WBP2NL: variants seen among roughly 807,000 people sequenced by gnomAD.
The protein encoded by WBP2NL is postacrosomal sheath WW domain-binding protein.
In WBP2NL, 27 loss-of-function variants were observed where a neutral mutation model predicts 23.3. That is an observed-to-expected ratio of 1.16 (90% CI 0.85 to 1.60). The LOEUF is 1.60. Among genes scored for constraint, WBP2NL ranks in the 40% most tolerant of loss-of-function variants. WBP2NL has a pLI of 0.00. For synonymous variants in WBP2NL, 151 were observed against 145.9 expected, an observed-to-expected ratio of 1.03 and a Z score of -0.25; for missense variants, 370 against 389.5, an observed-to-expected ratio of 0.95 and a Z score of 0.42.
chr22:41,999,114 C>T (rs1458561028), intron 1 of WBP2NL, among the ~76,000 whole-genome samples: 12 of 149,534 alleles, frequency 8.0e-5, no homozygotes, highest in Admixed American at 6.7e-4. Context: ...GGTGGGAATG[C>T]GCCTTTTCAA....
chr22:42,008,381 A>AT (rs1192665798), intron 1 of WBP2NL, among the ~76,000 whole-genome samples: 1 of 150,198 alleles, frequency 6.7e-6, no homozygotes, highest in East Asian at 2.0e-4. Context: ...AGTTTTTTGT[A>AT]TTTTTAGTAG....
intron 8 of WBP2NL, among the ~76,000 whole-genome samples, chr22:42,045,474 G>A (rs186182716): frequency 3.3e-5 from 5 of 152,108 alleles, no homozygotes; most frequent in African/African-American, 1.2e-4. Flanking sequence ...ACAGCCTCTC[G>A]CCAGGCTAAC....
intron 8 of WBP2NL, among the ~76,000 whole-genome samples, chr22:42,039,638 G>A (rs141220850): frequency 1.8e-4 from 27 of 152,134 alleles, no homozygotes; most frequent in African/African-American, 6.0e-4. Context: ...TTGGCATATA[G>A]GTTGTCATAA....
At chr22:42,018,684 T>C (rs1190581863) in intron 1 of WBP2NL, among the ~76,000 whole-genome samples, 10 of 152,092 alleles carry the variant, frequency 6.6e-5, no homozygotes, top group Admixed American at 3.9e-4. Context: ...GAACCATTTC[T>C]ATTAGCACAG....
chr22:42,011,235 G>C (rs891330604), intron 1 of WBP2NL, among the ~76,000 whole-genome samples: 9 of 152,042 alleles, frequency 5.9e-5, no homozygotes, highest in African/African-American at 2.2e-4. Context: ...TTGTATAATA[G>C]AATTTGTTGA....
At chr22:42,032,816 A>G, downstream of WBP2NL, 1 of 413,820 alleles carries the variant, frequency 2.4e-6, no homozygotes, top group Non-Finnish European at 4.9e-6. Flanking sequence ...GTCTATACAG[A>G]TGTGACCAGC....
downstream of WBP2NL, among the ~76,000 whole-genome samples, chr22:42,036,732 G>A (rs1925195600): frequency 1.3e-5 from 2 of 152,006 alleles, no homozygotes; most frequent in East Asian, 3.9e-4. Context: ...TTCCTTTTTT[G>A]AGAAGTGTCT....
intron 1 of WBP2NL, among the ~76,000 whole-genome samples, chr22:42,010,060 A>G (rs923578625): frequency 2.0e-5 from 3 of 152,090 alleles, no homozygotes; most frequent in Non-Finnish European, 4.4e-5. Context: ...ATTCTTTTTG[A>G]TGCTATTGTA....
chr22:42,006,043 G>A (rs764190293), intron 1 of WBP2NL, among the ~76,000 whole-genome samples: 3 of 152,076 alleles, frequency 2.0e-5, no homozygotes, highest in Non-Finnish European at 2.9e-5. Context: ...AAGAAAATTA[G>A]GCAAAGCTTT....
intron 1 of WBP2NL, among the ~76,000 whole-genome samples, chr22:42,012,962 A>C (rs1602449159): frequency 6.6e-6 from 1 of 151,450 alleles, no homozygotes; most frequent in South Asian, 2.1e-4. Context: ...ACTGCACTCC[A>C]GTTTGGGCAA....
At chr22:42,001,839 T>G in intron 1 of WBP2NL, 17 of 1,350,932 alleles carry the variant, frequency 1.3e-5, no homozygotes, top group Non-Finnish European at 1.5e-5. Flanking sequence ...AGTGATCTGC[T>G]TGCTGGCATG....
chr22:42,050,579 T>A (rs1343561856), intron 8 of WBP2NL, among the ~76,000 whole-genome samples: 1 of 150,778 alleles, frequency 6.6e-6, no homozygotes, highest in Non-Finnish European at 1.5e-5. Context: ...ACCCAGGAGG[T>A]GGAGGTTGCA....
chr22:42,010,825 A>T (rs1922743510), intron 1 of WBP2NL, among the ~76,000 whole-genome samples: 1 of 152,234 alleles, frequency 6.6e-6, no homozygotes, highest in Non-Finnish European at 1.5e-5. Flanking sequence ...GGCGTGAGCC[A>T]CCACGCCTGG....
intron 8 of WBP2NL, among the ~76,000 whole-genome samples, chr22:42,047,682 C>T (rs1433836838): frequency 2.1e-5 from 3 of 146,080 alleles, no homozygotes; most frequent in Non-Finnish European, 4.5e-5. Flanking sequence ...AGTGCAGTGG[C>T]GCCGTCTCAG....
chr22:42,027,756 T>G lies in WBP2NL; in HGVS notation c.*575T>G. Reference sequence around the variant, plus strand: ...AATTGACTATATCAAAATTTAAAACTTCTCTATGACAGAAGTTAAAAGATA... The same window carrying G: ...AATTGACTATATCAAAATTTAAAACGTCTCTATGACAGAAGTTAAAAGATA... On this transcript the variant is annotated 3_prime_UTR_variant, in exon 6 of 6. Coordinates refer to ENST00000328823, the MANE Select transcript of WBP2NL (RefSeq NM_152613.3). The G allele has an allele frequency of 2.6e-6, 1 of 386,920 alleles. No individual in the cohort carries two copies. Among genetic ancestry groups the G allele is most frequent in the Non-Finnish European group, 4.6e-6 (1 of 219,390 alleles). The allele number at this position is 386,920 out of a possible 1,614,324, so 24.0% of individuals were successfully genotyped here.
chr22:42,008,848 G>C (rs1045556998), intron 1 of WBP2NL, among the ~76,000 whole-genome samples: 2 of 150,104 alleles, frequency 1.3e-5, no homozygotes, highest in African/African-American at 2.5e-5. Flanking sequence ...GCACGATCTT[G>C]GCTGACTGCA....
chr22:42,036,877 G>C (rs1218312086), downstream of WBP2NL, among the ~76,000 whole-genome samples: 4 of 152,024 alleles, frequency 2.6e-5, no homozygotes, highest in Non-Finnish European at 4.4e-5. Context: ...CCATTCTGTA[G>C]GTTGCCTTTT....
At chr22:42,020,128 T>G (rs1424219493) in intron 4 of WBP2NL, 32 bp downstream of exon 4, 4 of 1,576,474 alleles carry the variant, frequency 2.5e-6, no homozygotes, top group Non-Finnish European at 3.5e-6. Flanking sequence ...ATTAAGCACT[T>G]TGGGGTTTTT....
chr22:42,011,158 A>G (rs570739871), intron 1 of WBP2NL, among the ~76,000 whole-genome samples: 45 of 152,240 alleles, frequency 3.0e-4, no homozygotes, highest in Non-Finnish European at 4.9e-4. Context: ...AAGTAAGCCT[A>G]GAAGTGTTTC....
Sources: allele counts gnomAD v4.1 joint callset (sites outside exome capture counted in the v4.1 genomes callset), GRCh38; gene constraint gnomAD v4.1.1; transcripts MANE v1.5; gene names NCBI Gene and HGNC (gene_info 2026-07-23, HGNC 2026-07-21).